Variants in SCAPER observed in about 807,000 individuals in gnomAD.
SCAPER encodes the protein S phase cyclin A-associated protein in the endoplasmic reticulum.
A neutral mutation model predicts 182.2 loss-of-function variants in SCAPER; 98 were observed. That is an observed-to-expected ratio of 0.54 (90% CI 0.46 to 0.64). The LOEUF (loss-of-function observed/expected upper bound fraction) is 0.64. Among genes scored for constraint, SCAPER ranks in the 30% least tolerant of loss-of-function variants. The pLI is 0.00. For synonymous variants in SCAPER, 605 were observed against 564.6 expected (o/e 1.07, Z -1.01); for missense variants, 1,432 against 1,690.0 (o/e 0.85, Z 2.68).
intron 4 of SCAPER, among the ~76,000 whole-genome samples, chr15:76,854,171 A>G (rs1282317604): frequency 2.0e-5 from 3 of 152,120 alleles, no homozygotes; most frequent in African/African-American, 4.8e-5. Context: ...CAGGAGGCTG[A>G]GGCAGGAGAA....
At chr15:76,780,568 G>A (rs2064058171) in intron 8 of SCAPER, among the ~76,000 whole-genome samples, 1 of 152,212 alleles carries the variant, frequency 6.6e-6, no homozygotes, top group South Asian at 2.1e-4. Context: ...CAGACAGACT[G>A]CCTCCTCAAG....
At chr15:76,652,299 T>TACACACACAC in intron 21 of SCAPER, among the ~76,000 whole-genome samples, 1 of 28,794 alleles carries the variant, frequency 3.5e-5, no homozygotes, top group Non-Finnish European at 5.5e-5. Flanking sequence ...TATATATATA[T>TACACACACAC]ATATATATAT....
intron 23 of SCAPER, among the ~76,000 whole-genome samples, chr15:76,511,829 TTA>T (rs144159437): frequency 0.01 from 1,378 of 136,816 alleles, 35 homozygotes; most frequent in African/African-American, 0.032. Flanking sequence ...GATACACTTA[TTA>T]TATATATATA....
chr15:76,500,779 A>C (rs1045375679), intron 24 of SCAPER, among the ~76,000 whole-genome samples: 2 of 152,042 alleles, frequency 1.3e-5, no homozygotes, highest in Non-Finnish European at 2.9e-5. Flanking sequence ...GTTTTCTGGA[A>C]TTAAAAGTTT....
intron 22 of SCAPER, among the ~76,000 whole-genome samples, chr15:76,612,671 A>T (rs2051108255): frequency 6.6e-6 from 1 of 152,172 alleles, no homozygotes; most frequent in Admixed American, 6.5e-5. Flanking sequence ...CCCATTCCAT[A>T]CTGCCACAAA....
At chr15:76,842,242 G>T (rs2069550995) in intron 4 of SCAPER, among the ~76,000 whole-genome samples, 1 of 152,098 alleles carries the variant, frequency 6.6e-6, no homozygotes, top group African/African-American at 2.4e-5. Context: ...CAAACATTCT[G>T]ATATCCATGG....
At chr15:76,752,037 TA>T (rs796803751) in intron 15 of SCAPER, among the ~76,000 whole-genome samples, 1,387 of 134,716 alleles carry the variant, frequency 0.01, 17 homozygotes, top group African/African-American at 0.033. Flanking sequence ...AACTCCACAA[TA>T]AAAAAAAAAA....
chr15:76,754,444 A>G (rs2062288185), intron 14 of SCAPER, among the ~76,000 whole-genome samples: 1 of 152,070 alleles, frequency 6.6e-6, no homozygotes, highest in East Asian at 1.9e-4. Flanking sequence ...CATCTAACAA[A>G]TCACATTATT....
Position 76,702,835 on chromosome 15 carries a change from G to C in SCAPER, c.2400+15C>G, listed in dbSNP as rs1296350565. The C allele has an allele frequency of 6.3e-7, 1 of 1,589,848 alleles. No homozygotes were observed. The highest frequency in any genetic ancestry group is 8.5e-7 in the Non-Finnish European group (1 of 1,173,432). On this transcript the variant is annotated intron_variant, in intron 19 of 31. Transcript: ENST00000563290. ...TAGTAAACTATATCATTACAATATT[G>C]ATATAACAACCTACCAGGACATTGC...
In SCAPER at chr15:76,706,033, A is replaced by C. The variant is rs138599985; in HGVS notation, c.2166-49T>G. On this transcript the variant is annotated intron_variant, in intron 17 of 31. Coordinates refer to ENST00000563290, the MANE Select transcript of SCAPER (RefSeq NM_020843.4). The stretch of plus-strand genomic sequence containing the variant: ...TAAACTCAACTGCTTAAAGTAACAA[A>C]TCTCATGAGACTCAAAAATACAATT... 4.9e-4 allele frequency: 684 copies of C among 1,389,050 alleles called. 3 individuals carry two copies. In the African/African-American group the frequency reaches 9.2e-3, roughly 19 times the overall value. The allele number at this position is 1,389,050 out of a possible 1,614,324, so 86.0% of individuals were successfully genotyped here.
At chr15:76,716,968 G>T (rs1293709253) in intron 17 of SCAPER, among the ~76,000 whole-genome samples, 1 of 151,948 alleles carries the variant, frequency 6.6e-6, no homozygotes, top group Non-Finnish European at 1.5e-5. Context: ...TTCTCTCCAA[G>T]GTACACTATA....
chr15:76,699,393 G>A (rs933306750), intron 20 of SCAPER, among the ~76,000 whole-genome samples: 4 of 152,196 alleles, frequency 2.6e-5, no homozygotes, highest in Non-Finnish European at 5.9e-5. Flanking sequence ...GATGTTGGCT[G>A]TGGGGTTGTC....
intron 5 of SCAPER, among the ~76,000 whole-genome samples, chr15:76,836,511 T>A (rs1338122927): frequency 6.6e-6 from 1 of 152,176 alleles, no homozygotes; most frequent in Non-Finnish European, 1.5e-5. Flanking sequence ...TAGCTAGCCA[T>A]ATGCAGAAGA....
rs1328818625 is a variant in SCAPER, at chr15:76,652,274, ATATATATATAT to A, written c.2645+13368_2645+13378del. 2.7e-3 allele frequency among the ~76,000 whole-genome samples: 29 copies of A among 10,634 alleles called. 7 individuals carry two copies. Among genetic ancestry groups the A allele is most frequent in the African/African-American group, 7.3e-3 (18 of 2,450 alleles). The allele number at this position is 10,634 out of a possible 152,430, so 7.0% of individuals were successfully genotyped here. On this transcript the variant is annotated intron_variant, in intron 21 of 31. Transcript: ENST00000563290. ...TCTCTGCTAAAAAAAAAAAAAAAAA[ATATATATATAT>A]ATATATATATATATATATATATATA... is the stretch of plus-strand genomic sequence containing the variant.
intron 22 of SCAPER, among the ~76,000 whole-genome samples, chr15:76,578,196 A>G (rs918156455): frequency 2.6e-4 from 40 of 152,036 alleles, no homozygotes; most frequent in African/African-American, 9.7e-4. Flanking sequence ...AGAACACAGC[A>G]CCAGGTTGAT....
intron 5 of SCAPER, among the ~76,000 whole-genome samples, chr15:76,814,775 A>AATAAAAACTTTCCTACAAAT (rs1242225315): frequency 6.6e-6 from 1 of 152,154 alleles, no homozygotes; most frequent in East Asian, 1.9e-4. Flanking sequence ...ACTACATCAA[A>AATAAAAACTTTCCTACAAAT]ATAAAAACTT....
chr15:76,464,462 G>A (rs949488793), intron 25 of SCAPER, among the ~76,000 whole-genome samples: 18 of 152,070 alleles, frequency 1.2e-4, no homozygotes, highest in African/African-American at 3.6e-4. Context: ...CCTGCAGTCA[G>A]CTCTGTGGAA....
chr15:76,775,967 T>C (rs974285132), intron 8 of SCAPER, among the ~76,000 whole-genome samples: 1 of 152,154 alleles, frequency 6.6e-6, no homozygotes, highest in African/African-American at 2.4e-5. Flanking sequence ...AAAGCTAATA[T>C]AAAGAATTCC....
chr15:76,827,431 C>A (rs886184362), intron 5 of SCAPER, among the ~76,000 whole-genome samples: 3 of 152,138 alleles, frequency 2.0e-5, no homozygotes, highest in Non-Finnish European at 4.4e-5. Flanking sequence ...CCAAAAAAGT[C>A]AACTAAGACC....
Sources: allele counts gnomAD v4.1 joint callset (sites outside exome capture counted in the v4.1 genomes callset), GRCh38; gene constraint gnomAD v4.1.1; transcripts MANE v1.5; gene names NCBI Gene and HGNC (gene_info 2026-07-23, HGNC 2026-07-21).